The following LRBA variants were observed in gnomAD, a reference collection of about 807,000 sequenced individuals.
LRBA encodes LPS responsive beige-like anchor protein.
LRBA carries 176 observed loss-of-function variants against 330.0 expected under a neutral mutation model. That is an observed-to-expected ratio of 0.53 (90% confidence interval 0.47 to 0.60). The LOEUF is 0.60. Ranked by LOEUF, LRBA falls within the 20% of genes least tolerant of loss-of-function variation. LRBA has a pLI of 0.00. For missense variants in LRBA, 3,259 were observed against 3,444.8 expected (o/e 0.95, Z 1.35); for synonymous variants, 1,230 against 1,193.0 (o/e 1.03, Z -0.64).
At position 150,775,990 on chromosome 4, in the gene LRBA, G is replaced by A. The variant is rs144624226; in HGVS notation, c.5581-14143C>T. Among the ~76,000 whole-genome samples, 30 of 152,074 alleles carry A rather than the reference G, an allele frequency of 2.0e-4. No homozygotes were observed. In the East Asian group the frequency reaches 4.8e-3, roughly 24 times the overall value. On this transcript the variant is annotated intron_variant, in intron 34 of 56. Coordinates refer to ENST00000651943, the MANE Select transcript of LRBA (RefSeq NM_001364905.1). ...AATTCATAGTACATTTTTTAGCTCT[G>A]GCATAAATACATGATAATAACGTAA...
At chr4:150,368,281 T>C (rs1739775835) in intron 47 of LRBA, among the ~76,000 whole-genome samples, 1 of 152,118 alleles carries the variant, frequency 6.6e-6, no homozygotes, top group African/African-American at 2.4e-5. Context: ...GGTACTACTT[T>C]AACACAAGAT....
At chr4:150,642,504 T>C (rs1454474165) in intron 37 of LRBA, among the ~76,000 whole-genome samples, 2 of 151,636 alleles carry the variant, frequency 1.3e-5, no homozygotes, top group South Asian at 2.1e-4. Flanking sequence ...CTGTGAAGAG[T>C]ACAGGAAAAT....
At position 150,321,208 on chromosome 4, in the gene LRBA, T is replaced by C; in HGVS notation, c.7613A>G (p.Lys2538Arg). The change falls in exon 50 of 57, where the codon AAA (lysine) becomes AGA (arginine). Residue 2538 changes from lysine (K) to arginine (R), a missense_variant. Physicochemically the swap from Lys to Arg is conservative, Grantham distance 26 (BLOSUM62 2). Transcript: ENST00000651943. The surrounding 1 kb of genome is among the most constrained non-coding windows in gnomAD (Gnocchi z 4.5). ...VTANRLFAVNKWHNLPAHQGA... is the reference protein window; with the variant it reads ...VTANRLFAVNRWHNLPAHQGA... ...TTACTTACCAGGAAGGTTGTGCCAT[T>C]TGTTCACCGCAAATAACCTGTTAGC... The C allele has an allele frequency of 6.2e-7, 1 of 1,608,974 alleles. No homozygotes were observed. The highest frequency in any genetic ancestry group is 8.5e-7 in the Non-Finnish European group (1 of 1,178,314).
intron 2 of LRBA, among the ~76,000 whole-genome samples, chr4:150,989,707 T>C (rs1055844433): frequency 6.6e-6 from 1 of 151,560 alleles, no homozygotes; most frequent in Admixed American, 6.6e-5. Context: ...CAAGATCATA[T>C]AGGAGCTGAA....
At chr4:150,805,290 A>AG (rs1202874035) in intron 33 of LRBA, among the ~76,000 whole-genome samples, 1 of 76,512 alleles carries the variant, frequency 1.3e-5, no homozygotes, top group African/African-American at 8.5e-5. Flanking sequence ...AAGGAGAAGG[A>AG]AAGGAAAGGA....
At chr4:150,978,551 A>G (rs1033430144) in intron 2 of LRBA, among the ~76,000 whole-genome samples, 1 of 152,190 alleles carries the variant, frequency 6.6e-6, no homozygotes, top group Non-Finnish European at 1.5e-5. Context: ...CCAGAGACCA[A>G]TCCTGGAGAA....
chr4:150,658,599 C>A (rs1484804580), intron 37 of LRBA, among the ~76,000 whole-genome samples: 1 of 4,066 alleles, frequency 2.5e-4, no homozygotes, highest in African/African-American at 1.3e-3. Flanking sequence ...CTCTCCCTCT[C>A]CCTCTCCCTC....
chr4:150,563,004 T>C (rs1163890582), intron 40 of LRBA, among the ~76,000 whole-genome samples: 2 of 152,136 alleles, frequency 1.3e-5, no homozygotes, highest in Non-Finnish European at 2.9e-5. Context: ...TCTTACTGCA[T>C]TACCCAGACT....
Position 150,679,496 on chromosome 4 carries a change from T to A in LRBA, c.5921+4055A>T, listed in dbSNP as rs947307482. On this transcript the variant is annotated intron_variant, in intron 37 of 56. Coordinates refer to ENST00000651943, the MANE Select transcript of LRBA (RefSeq NM_001364905.1). ...TTTTGTCTGCATTGATTTTTTTTTA[T>A]AACACTCCAACCTTACAGCATTCAT... 4 of 152,270 alleles carry A rather than the reference T, an allele frequency of 2.6e-5. No individual in the cohort carries two copies. The East Asian group carries it at 7.7e-4, about 29-fold the overall frequency. 9.4% of individuals were successfully genotyped at this position (152,270 alleles called of 1,614,324 possible).
At chr4:150,622,688 CTTTTTTTTTTTTT>C (rs10528461) in intron 37 of LRBA, among the ~76,000 whole-genome samples, 26 of 105,654 alleles carry the variant, frequency 2.5e-4, no homozygotes, top group African/African-American at 7.1e-4. Context: ...CTAAATCAAT[CTTTTTTTTTTTTT>C]TTTTTTTTTT....
At chr4:150,880,977 A>G (rs1728316683) in intron 17 of LRBA, among the ~76,000 whole-genome samples, 1 of 152,228 alleles carries the variant, frequency 6.6e-6, no homozygotes, top group Non-Finnish European at 1.5e-5. Flanking sequence ...AATGCAAATC[A>G]AAATAATGAG....
intron 37 of LRBA, among the ~76,000 whole-genome samples, chr4:150,648,175 A>AAAAAAAAAAAAAAAAAAAAC (rs1561468460): frequency 6.8e-6 from 1 of 146,324 alleles, no homozygotes; most frequent in Non-Finnish European, 1.5e-5. Context: ...AAAAAAAAAA[A>AAAAAAAAAAAAAAAAAAAAC]AACTAGAAAA....
At chr4:150,495,989 G>C (rs1759547179) in intron 40 of LRBA, among the ~76,000 whole-genome samples, 1 of 152,048 alleles carries the variant, frequency 6.6e-6, no homozygotes, top group African/African-American at 2.4e-5. Flanking sequence ...TTTCAAAGCT[G>C]GTTTATTAAA....
At chr4:150,527,117 T>A (rs1763564922) in intron 40 of LRBA, among the ~76,000 whole-genome samples, 1 of 152,154 alleles carries the variant, frequency 6.6e-6, no homozygotes, top group South Asian at 2.1e-4. Flanking sequence ...TGTTTTTGTA[T>A]CCACTATTCT....
At chr4:150,964,927 A>T (rs973753213) in intron 2 of LRBA, among the ~76,000 whole-genome samples, 3 of 152,228 alleles carry the variant, frequency 2.0e-5, no homozygotes, top group Admixed American at 6.5e-5. Flanking sequence ...GGGAAATGTA[A>T]ATTTAAATTC....
At chr4:150,882,590 A>C (rs191687712) in intron 17 of LRBA, among the ~76,000 whole-genome samples, 2 of 152,348 alleles carry the variant, frequency 1.3e-5, no homozygotes, top group Admixed American at 1.3e-4. Flanking sequence ...TGTTTAAAGA[A>C]ATAGATATGG....
chr4:150,331,298 A>T (rs2126968165), intron 48 of LRBA, among the ~76,000 whole-genome samples: 1 of 152,328 alleles, frequency 6.6e-6, no homozygotes, highest in Admixed American at 6.5e-5. Flanking sequence ...ACATACAAGC[A>T]TCCTTAAACC....
chr4:150,457,595 A>G (rs938745319), intron 44 of LRBA, among the ~76,000 whole-genome samples: 1 of 151,972 alleles, frequency 6.6e-6, no homozygotes, highest in African/African-American at 2.4e-5. Context: ...ACATGCAAGT[A>G]TATTTTAAAA....
At chr4:150,281,556 A>C (rs1456557790) in intron 55 of LRBA, among the ~76,000 whole-genome samples, 1 of 152,182 alleles carries the variant, frequency 6.6e-6, no homozygotes, top group Non-Finnish European at 1.5e-5. Context: ...TCTAAGCTGC[A>C]TAGGTCAGAA....
Sources: allele counts gnomAD v4.1 joint callset (sites outside exome capture counted in the v4.1 genomes callset), GRCh38; gene constraint gnomAD v4.1.1; non-coding constraint Gnocchi (gnomAD v3.1); transcripts MANE v1.5; gene names NCBI Gene and HGNC (gene_info 2026-07-23, HGNC 2026-07-21).